Variants in MINDY4 observed in about 807,000 individuals in gnomAD.
The protein encoded by MINDY4 is probable ubiquitin carboxyl-terminal hydrolase MINDY-4.
In MINDY4, 68 loss-of-function variants were observed where a neutral mutation model predicts 87.0. The observed-to-expected ratio is 0.78, with a 90% confidence interval of 0.64 to 0.96. The LOEUF is 0.96. Among genes scored for constraint, MINDY4 ranks in the 40% least tolerant of loss-of-function variants. The pLI, the probability that MINDY4 is intolerant of heterozygous loss-of-function variation, is 0.00. For missense variants in MINDY4, 919 were observed against 928.2 expected (o/e 0.99, Z 0.13); for synonymous variants, 379 against 363.2 (o/e 1.04, Z -0.50).
rs140144900 is a variant in MINDY4 at position 30,855,715 on chromosome 7, G to A, written c.1677+2256G>A. On this transcript the variant is annotated intron_variant, in intron 12 of 17. Transcript: ENST00000265299. ...ATGAAGCCTAACCAAGACAGGGACT[G>A]TGGAAGGGGTTCAGAGAGTGGGATT... Among the ~76,000 whole-genome samples, 519 of 152,374 alleles carry A rather than the reference G, an allele frequency of 3.4e-3. 5 individuals carry two copies. The highest frequency in any genetic ancestry group is 0.012 in the African/African-American group (487 of 41,594).
chr7:30,832,707 G>A (rs897528360), intron 6 of MINDY4, among the ~76,000 whole-genome samples: 1 of 151,904 alleles, frequency 6.6e-6, no homozygotes, highest in African/African-American at 2.4e-5. Flanking sequence ...ATGGGGTTTC[G>A]CCATGTTGGC....
At chr7:30,869,465 C>T (rs909183551) in intron 13 of MINDY4, among the ~76,000 whole-genome samples, 9 of 152,120 alleles carry the variant, frequency 5.9e-5, no homozygotes, top group African/African-American at 2.2e-4. Flanking sequence ...GACAGACATT[C>T]GTGTCTTACA....
chr7:30,785,291 CACACACACA>C (rs781484608), intron 3 of MINDY4, among the ~76,000 whole-genome samples: 10,522 of 151,910 alleles, frequency 0.069, 492 homozygotes, highest in Middle Eastern at 0.13. Context: ...CACACACACA[CACACACACA>C]CCCATTGGCA....
chr7:30,796,050 G>A (rs1787476320), intron 5 of MINDY4, among the ~76,000 whole-genome samples: 2 of 152,078 alleles, frequency 1.3e-5, no homozygotes, highest in African/African-American at 4.8e-5. Flanking sequence ...GGATTAGGAT[G>A]TGGACATAGT....
intron 14 of MINDY4, 112 bp from the exon 15 acceptor site, chr7:30,875,383 C>G: frequency 1.7e-6 from 2 of 1,210,850 alleles, no homozygotes; most frequent in South Asian, 2.5e-5. Flanking sequence ...AGGCTCTCTC[C>G]CTCCTTGCTT....
chr7:30,831,294 C>G (rs1400648597), intron 6 of MINDY4, among the ~76,000 whole-genome samples: 2 of 152,106 alleles, frequency 1.3e-5, no homozygotes, highest in Non-Finnish European at 2.9e-5. Context: ...CCTTTTTCAG[C>G]ACTTACTAGG....
intron 12 of MINDY4, 69 bp from the exon 13 acceptor site, chr7:30,859,188 A>G (rs1205624076): frequency 2.0e-6 from 3 of 1,490,144 alleles, no homozygotes; most frequent in Non-Finnish European, 2.8e-6. Flanking sequence ...TGTGGCTCCC[A>G]CAGAGGTGTG....
chr7:30,847,223 A>G (rs1460943096), intron 9 of MINDY4, among the ~76,000 whole-genome samples: 1 of 152,174 alleles, frequency 6.6e-6, no homozygotes, highest in Non-Finnish European at 1.5e-5. Context: ...TTTTCTAGAA[A>G]ACTGTGTCTC....
intron 17 of MINDY4, among the ~76,000 whole-genome samples, chr7:30,889,129 G>A (rs570271401): frequency 2.0e-5 from 3 of 152,150 alleles, no homozygotes; most frequent in Non-Finnish European, 2.9e-5. Flanking sequence ...CTGGGAGTCT[G>A]GATTCAGGAT....
chr7:30,832,902 A>G (rs752876461), intron 6 of MINDY4, among the ~76,000 whole-genome samples: 34 of 151,854 alleles, frequency 2.2e-4, no homozygotes, highest in Admixed American at 1.6e-3. Context: ...TTATACTCTT[A>G]TTACCTTCCT....
chr7:30,881,932 G>A (rs1232282257), intron 15 of MINDY4, among the ~76,000 whole-genome samples: 3 of 152,132 alleles, frequency 2.0e-5, no homozygotes, highest in African/African-American at 4.8e-5. Context: ...ATGAGGGGGC[G>A]AGTGATACCG....
intron 5 of MINDY4, among the ~76,000 whole-genome samples, chr7:30,792,200 T>A (rs1328692127): frequency 6.6e-6 from 1 of 152,248 alleles, no homozygotes; most frequent in African/African-American, 2.4e-5. Flanking sequence ...ATTGATTGAT[T>A]TCTGAATGTT....
In MINDY4 at chr7:30,875,606, C is replaced by T. The variant is rs747503407; in HGVS notation, c.1921C>T (p.Arg641Cys). The T allele has an allele frequency of 9.9e-6, 16 of 1,613,970 alleles. No individual in the cohort carries two copies. Among genetic ancestry groups the T allele is most frequent in the African/African-American group, 1.3e-5 (1 of 74,928 alleles). ...NITLLRGIAA[R>C]SDIGFLSLFE... ...CACACTTCTCAGAGGCATTGCTGCA[C>T]GCAGTGATATTGGCTTCTTATCTCT... The change falls in exon 15 of 18, where the codon CGC (arginine) becomes TGC (cysteine). Residue 641 changes from arginine to cysteine, a missense_variant. Coordinates refer to ENST00000265299, the MANE Select transcript of MINDY4 (RefSeq NM_032222.3).
At chr7:30,837,019 G>A (rs1230803565) in intron 7 of MINDY4, among the ~76,000 whole-genome samples, 2 of 152,092 alleles carry the variant, frequency 1.3e-5, no homozygotes, top group African/African-American at 4.8e-5. Flanking sequence ...AATACCGTGG[G>A]AATAGAGCTG....
At chr7:30,864,619 T>TGGGTGCC in intron 13 of MINDY4, among the ~76,000 whole-genome samples, 1 of 152,366 alleles carries the variant, frequency 6.6e-6, no homozygotes, top group Non-Finnish European at 1.5e-5. Context: ...TGCTGGGTGC[T>TGGGTGCC]GGGTGCCATT....
chr7:30,828,605 T>A, intron 5 of MINDY4, 74 bp from the exon 6 acceptor site: 2 of 1,490,856 alleles, frequency 1.3e-6, no homozygotes, highest in Non-Finnish European at 1.9e-6. Context: ...TATCCATCGC[T>A]CTTAACAGTC....
At chr7:30,877,008 TC>T (rs1269982055) in intron 15 of MINDY4, among the ~76,000 whole-genome samples, 4 of 151,998 alleles carry the variant, frequency 2.6e-5, no homozygotes, top group Non-Finnish European at 5.9e-5. Context: ...TGCAGCCCCC[TC>T]CCCAGATCCC....
At chr7:30,880,309 C>CCCCCCCCCCCCCCCG (rs138112353) in intron 15 of MINDY4, among the ~76,000 whole-genome samples, 2 of 148,734 alleles carry the variant, frequency 1.3e-5, no homozygotes, top group African/African-American at 2.5e-5. Context: ...CGCACCCCCC[C>CCCCCCCCCCCCCCCG]CCACCCCCGA....
intron 1 of MINDY4, among the ~76,000 whole-genome samples, chr7:30,774,868 T>C (rs1786761411): frequency 6.6e-6 from 1 of 152,082 alleles, no homozygotes; most frequent in East Asian, 1.9e-4. Flanking sequence ...TCTTCTTCTT[T>C]CCGTTCACTC....
Sources: allele counts gnomAD v4.1 joint callset (sites outside exome capture counted in the v4.1 genomes callset), GRCh38; gene constraint gnomAD v4.1.1; transcripts MANE v1.5; gene names NCBI Gene and HGNC (gene_info 2026-07-23, HGNC 2026-07-21).